Variants in HAPLN1 observed in about 807,000 individuals in gnomAD.
HAPLN1 encodes the protein Cartilage link protein.
In HAPLN1, 13 loss-of-function variants were observed where a neutral mutation model predicts 36.5. The ratio of observed to expected loss-of-function variants is 0.36; its 90% CI spans 0.23 to 0.57. The LOEUF (loss-of-function observed/expected upper bound fraction) is 0.57, where lower values mean the gene tolerates loss of function less well. Ranked by LOEUF, HAPLN1 falls within the 20% of genes least tolerant of loss-of-function variation. The pLI, the probability that HAPLN1 is intolerant of heterozygous loss-of-function variation, is 0.83. For synonymous variants in HAPLN1, 202 were observed against 169.8 expected (o/e 1.19, Z -1.48); for missense variants, 407 against 439.7 (o/e 0.93, Z 0.66).
intron 2 of HAPLN1, among the ~76,000 whole-genome samples, chr5:83,661,297 C>G (rs1374179029): frequency 6.6e-6 from 1 of 151,902 alleles, no homozygotes; most frequent in Non-Finnish European, 1.5e-5. Flanking sequence ...CCTGTCTGCC[C>G]CTTCCTCTAT....
At chr5:83,670,482 C>T (rs1474430577) in intron 2 of HAPLN1, among the ~76,000 whole-genome samples, 1 of 152,066 alleles carries the variant, frequency 6.6e-6, no homozygotes, top group African/African-American at 2.4e-5. Flanking sequence ...AGTTTGCTTT[C>T]CTGTATGATC....
intron 2 of HAPLN1, among the ~76,000 whole-genome samples, chr5:83,658,098 C>T (rs1033468546): frequency 6.6e-6 from 1 of 151,950 alleles, no homozygotes; most frequent in Non-Finnish European, 1.5e-5. Flanking sequence ...CAATTGTCAG[C>T]TCCATAATGA....
In HAPLN1 at chr5:83,685,627, C is replaced by A. The variant is rs7703028; in HGVS notation, c.-26-12078G>T. On this transcript the variant is annotated intron_variant, in intron 1 of 4. Coordinates refer to ENST00000274341, the MANE Select transcript of HAPLN1 (RefSeq NM_001884.4). ...AGGACAAGGACCATATTTTATTAGT[C>A]TTTATACTCCTGGATTTATTGGTCC... Among the ~76,000 whole-genome samples, 456 of 152,224 alleles carry A rather than the reference C, an allele frequency of 3.0e-3. 4 individuals carry two copies. The highest frequency in any genetic ancestry group is 0.01 in the African/African-American group (429 of 41,538).
intron 1 of HAPLN1, among the ~76,000 whole-genome samples, chr5:83,720,135 C>T (rs1751989389): frequency 6.6e-6 from 1 of 152,300 alleles, no homozygotes; most frequent in Admixed American, 6.5e-5. Flanking sequence ...TTTCTTTAAG[C>T]AACTTTTAAC....
At chr5:83,668,226 A>T (rs1162937756) in intron 2 of HAPLN1, among the ~76,000 whole-genome samples, 2 of 152,202 alleles carry the variant, frequency 1.3e-5, no homozygotes, top group Non-Finnish European at 2.9e-5. Flanking sequence ...TTACATAAAA[A>T]TAAGTAGAGT....
At chr5:83,662,208 A>G (rs948906540) in intron 2 of HAPLN1, among the ~76,000 whole-genome samples, 2 of 152,132 alleles carry the variant, frequency 1.3e-5, no homozygotes, top group Non-Finnish European at 2.9e-5. Flanking sequence ...CAGCTGGTTA[A>G]CCATCTTTAT....
chr5:83,684,302 T>C (rs1751072770), intron 1 of HAPLN1, among the ~76,000 whole-genome samples: 1 of 151,884 alleles, frequency 6.6e-6, no homozygotes, highest in Non-Finnish European at 1.5e-5. Flanking sequence ...ACCAGGCAAG[T>C]AGAAATAAGG....
intron 4 of HAPLN1, 92 bp downstream of exon 4, chr5:83,644,271 T>C (rs561040682): frequency 6.8e-5 from 71 of 1,038,514 alleles, no homozygotes; most frequent in Middle Eastern, 4.8e-4. Context: ...TTGTTTGTTT[T>C]TCTAAGAAGA....
rs73769318 is a variant in HAPLN1 at position 83,648,307 on chromosome 5, A to T, written c.473-3642T>A. 3.6e-3 allele frequency among the ~76,000 whole-genome samples: 533 copies of T among 147,980 alleles called. 2 individuals carry two copies. Among genetic ancestry groups the T allele is most frequent in the African/African-American group, 0.013 (518 of 40,228 alleles). On this transcript the variant is annotated intron_variant, in intron 3 of 4. Coordinates refer to ENST00000274341, the MANE Select transcript of HAPLN1 (RefSeq NM_001884.4). ...AATTTTTTTTTTTGTCAGTATGGTT[A>T]TATGGACAGTTCTTAACAACTAACA...
At chr5:83,679,724 A>G (rs1287068842) in intron 1 of HAPLN1, among the ~76,000 whole-genome samples, 1 of 152,194 alleles carries the variant, frequency 6.6e-6, no homozygotes, top group Non-Finnish European at 1.5e-5. Context: ...GAAATATGGC[A>G]ATGGGTACAA....
At chr5:83,694,916 T>C (rs1751357142) in intron 1 of HAPLN1, among the ~76,000 whole-genome samples, 1 of 152,140 alleles carries the variant, frequency 6.6e-6, no homozygotes, top group African/African-American at 2.4e-5. Context: ...ATTTATTCTA[T>C]GAGGCTAGCA....
In HAPLN1 at chr5:83,673,426, T is replaced by C. The variant is rs760128581; in HGVS notation, c.98A>G (p.Gln33Arg). Reference sequence around the variant, plus strand: ...TAAGAGAAGCTGTGTTTCCTTACCTTGGATGTGAATAGCTCTGTCATGATC... The same window carrying C: ...TAAGAGAAGCTGTGTTTCCTTACCTCGGATGTGAATAGCTCTGTCATGATC... ...TLDHDRAIHIQAENGPHLLVE... is the reference protein window; with the variant it reads ...TLDHDRAIHIRAENGPHLLVE... Residue 33 changes from glutamine to arginine, a missense_variant and splice_region_variant, in exon 2 of 5, where the codon CAA becomes CGA. By Grantham distance (43) the Gln-to-Arg change is conservative. Coordinates refer to ENST00000274341, the MANE Select transcript of HAPLN1 (RefSeq NM_001884.4). 6.3e-7 allele frequency: 1 copy of C among 1,586,288 alleles called. No individual in the cohort carries two copies.
At chr5:83,668,784 A>G (rs1183203104) in intron 2 of HAPLN1, among the ~76,000 whole-genome samples, 1 of 152,194 alleles carries the variant, frequency 6.6e-6, no homozygotes, top group African/African-American at 2.4e-5. Flanking sequence ...CTGAGAGACA[A>G]TCTGATGAGG....
intron 1 of HAPLN1, among the ~76,000 whole-genome samples, chr5:83,716,717 C>T (rs1325074783): frequency 1.3e-5 from 2 of 152,128 alleles, no homozygotes; most frequent in African/African-American, 2.4e-5. Context: ...ATCATTAAAA[C>T]TTCTTGTAAC....
At chr5:83,713,350 AG>A in intron 1 of HAPLN1, among the ~76,000 whole-genome samples, 1 of 152,214 alleles carries the variant, frequency 6.6e-6, no homozygotes, top group Non-Finnish European at 1.5e-5. Context: ...GTGAGATGTA[AG>A]GATTAATAAA....
chr5:83,700,516 T>G (rs1751483886), intron 1 of HAPLN1, among the ~76,000 whole-genome samples: 1 of 151,984 alleles, frequency 6.6e-6, no homozygotes, highest in Non-Finnish European at 1.5e-5. Flanking sequence ...AGGAGAAAAT[T>G]TTGCAAATGA....
In HAPLN1 at chr5:83,641,082, C is replaced by T. The variant is rs1749674759; in HGVS notation, c.*414G>A. On this transcript the variant is annotated 3_prime_UTR_variant, in exon 5 of 5. Transcript: ENST00000274341. The stretch of plus-strand genomic sequence containing the variant: ...AAGCCTGTATTTCAAATGTGTTGCT[C>T]TAATTTGTTTATTGTAGTGCATTTC... 1 of 152,546 alleles carries T rather than the reference C, an allele frequency of 6.6e-6. No homozygotes were observed. Among genetic ancestry groups the T allele is most frequent in the Non-Finnish European group, 1.5e-5 (1 of 68,064 alleles). 9.4% of individuals were successfully genotyped at this position (152,546 alleles called of 1,614,324 possible).
At chr5:83,716,859 C>G (rs1751924165) in intron 1 of HAPLN1, among the ~76,000 whole-genome samples, 1 of 152,040 alleles carries the variant, frequency 6.6e-6, no homozygotes, top group South Asian at 2.1e-4. Context: ...TGGTGAAACC[C>G]TGTCTCTACT....
intron 2 of HAPLN1, among the ~76,000 whole-genome samples, chr5:83,667,449 A>C (rs1298607823): frequency 6.6e-6 from 1 of 152,094 alleles, no homozygotes; most frequent in Non-Finnish European, 1.5e-5. Context: ...TAGTTTTTAG[A>C]CAGAATTATT....
Sources: allele counts gnomAD v4.1 joint callset (sites outside exome capture counted in the v4.1 genomes callset), GRCh38; gene constraint gnomAD v4.1.1; transcripts MANE v1.5; gene names NCBI Gene and HGNC (gene_info 2026-07-23, HGNC 2026-07-21).